The following PRUNE2 variants were observed in gnomAD, a reference collection of about 807,000 sequenced individuals.
PRUNE2 encodes the protein protein prune homolog 2.
A neutral mutation model predicts 252.0 loss-of-function variants in PRUNE2; 164 were observed. The observed-to-expected ratio is 0.65, with a 90% CI of 0.57 to 0.74. The LOEUF is 0.74. PRUNE2 is among the 30% of genes least tolerant of loss of function. The pLI is 0.00. For missense variants in PRUNE2, 3,495 were observed against 3,711.0 expected, an observed-to-expected ratio of 0.94 and a Z score of 1.51; for synonymous variants, 1,292 against 1,350.2, an observed-to-expected ratio of 0.96 and a Z score of 0.94.
At chr9:76,673,660 A>G (rs1435162210) in intron 9 of PRUNE2, among the ~76,000 whole-genome samples, 1 of 150,378 alleles carries the variant, frequency 6.6e-6, no homozygotes, top group Admixed American at 6.7e-5. Flanking sequence ...CCTCAATAAA[A>G]TACTGGCAAA....
At chr9:76,830,393 C>G (rs1335692292) in intron 4 of PRUNE2, among the ~76,000 whole-genome samples, 1 of 152,110 alleles carries the variant, frequency 6.6e-6, no homozygotes, top group African/African-American at 2.4e-5. Context: ...TGGCTCACAC[C>G]TGTAATCCCA....
chr9:76,640,547 C>T (rs1023734052), intron 12 of PRUNE2, among the ~76,000 whole-genome samples: 10 of 145,830 alleles, frequency 6.9e-5, no homozygotes, highest in Non-Finnish European at 1.2e-4. Context: ...GAGAGAGCAA[C>T]GTAGTAGCTT....
intron 6 of PRUNE2, among the ~76,000 whole-genome samples, chr9:76,774,855 G>C (rs1270393969): frequency 6.6e-6 from 1 of 152,158 alleles, no homozygotes; most frequent in Non-Finnish European, 1.5e-5. Flanking sequence ...AAAGATTGTA[G>C]ATTTTAGAGA....
intron 6 of PRUNE2, among the ~76,000 whole-genome samples, chr9:76,747,969 A>AT (rs912461901): frequency 2.6e-5 from 4 of 151,506 alleles, no homozygotes; most frequent in East Asian, 1.9e-4. Context: ...TAATTTTTGT[A>AT]TTTTTTTTAG....
At chr9:76,724,220 AG>A (rs1332010718) in intron 6 of PRUNE2, among the ~76,000 whole-genome samples, 1 of 144,312 alleles carries the variant, frequency 6.9e-6, no homozygotes, top group Non-Finnish European at 1.5e-5. Flanking sequence ...GCACTTTGGG[AG>A]GCTGAGGCGG....
At chr9:76,692,288 C>A in intron 9 of PRUNE2, 1 of 624,202 alleles carries the variant, frequency 1.6e-6, no homozygotes, top group Non-Finnish European at 2.9e-6. Context: ...TGGGGCTGTG[C>A]TGAGTTTCAT....
chr9:76,689,129 G>A (rs1349971154), intron 9 of PRUNE2, among the ~76,000 whole-genome samples: 1 of 152,116 alleles, frequency 6.6e-6, no homozygotes, highest in East Asian at 1.9e-4. Context: ...CCCCACACTA[G>A]AGTGAGGAGA....
At chr9:76,803,833 G>C (rs2056738680) in intron 6 of PRUNE2, among the ~76,000 whole-genome samples, 1 of 152,208 alleles carries the variant, frequency 6.6e-6, no homozygotes, top group African/African-American at 2.4e-5. Context: ...ATATTAGACT[G>C]TCTGTTCTTC....
At chr9:76,652,439 C>A (rs1847767323) in intron 11 of PRUNE2, 44 bp downstream of exon 11, 1 of 1,334,672 alleles carries the variant, frequency 7.5e-7, no homozygotes, top group Non-Finnish European at 1.1e-6. Flanking sequence ...AAATCTTTTA[C>A]TTATTTAGCA....
At chr9:76,633,248 A>G (rs1838520560) in intron 15 of PRUNE2, among the ~76,000 whole-genome samples, 1 of 151,950 alleles carries the variant, frequency 6.6e-6, no homozygotes, top group African/African-American at 2.4e-5. Context: ...TTTACAATGT[A>G]AAAATCATAG....
chr9:76,706,661 TG>T lies in PRUNE2; in HGVS notation c.5612del (p.Pro1871GlnfsTer56). 6.2e-7 allele frequency: 1 copy of T among 1,613,870 alleles called. No individual in the cohort carries two copies. Among genetic ancestry groups the T allele is most frequent in the Non-Finnish European group, 8.5e-7 (1 of 1,179,844 alleles). ...CCACGGGCTCAATATCACCCTGAAC[TG>T]GTACTCCCCAGGGACTGGCATTTTG... ...VHQNASPWGVPVQGDIEPVET... is the reference protein window; with the variant it reads ...VHQNASPWGVXVQGDIEPVET... On this transcript the variant is annotated frameshift_variant, in exon 8 of 19. Coordinates refer to ENST00000376718, the MANE Select transcript of PRUNE2 (RefSeq NM_015225.3). LOFTEE classifies it high-confidence loss of function.
chr9:76,870,014 T>C (rs1383825680), intron 1 of PRUNE2, among the ~76,000 whole-genome samples: 1 of 152,214 alleles, frequency 6.6e-6, no homozygotes, highest in African/African-American at 2.4e-5. Flanking sequence ...ATCTTGATGT[T>C]CTAAATAAGT....
chr9:76,655,403 T>C lies in PRUNE2; in HGVS notation c.8356+20A>G, dbSNP rs1156281054. On this transcript the variant is annotated intron_variant, in intron 10 of 18. Coordinates refer to ENST00000376718, the MANE Select transcript of PRUNE2 (RefSeq NM_015225.3). The stretch of plus-strand genomic sequence containing the variant: ...GGATACAGAATACCAACGAAGGAAA[T>C]GAACAAATGCTGCTCTCACCAGGCC... The C allele has an allele frequency of 1.9e-6, 3 of 1,582,796 alleles. No homozygotes were observed. The highest frequency in any genetic ancestry group is 1.7e-6 in the Non-Finnish European group (2 of 1,154,730).
intron 4 of PRUNE2, among the ~76,000 whole-genome samples, chr9:76,837,943 T>C (rs1589497432): frequency 6.6e-6 from 1 of 151,866 alleles, no homozygotes; most frequent in South Asian, 2.1e-4. Flanking sequence ...AGCTAATTTT[T>C]TGTATTTTTA....
chr9:76,870,214 G>T (rs1441936686), intron 1 of PRUNE2, among the ~76,000 whole-genome samples: 1 of 150,718 alleles, frequency 6.6e-6, no homozygotes, highest in African/African-American at 2.4e-5. Context: ...ATAATAAATA[G>T]CTGTAAAATA....
At chr9:76,869,600 G>C (rs1294533142) in intron 1 of PRUNE2, among the ~76,000 whole-genome samples, 1 of 152,160 alleles carries the variant, frequency 6.6e-6, no homozygotes, top group Non-Finnish European at 1.5e-5. Context: ...GCAATAGAAA[G>C]TAAATGCAGA....
chr9:76,811,638 G>C (rs1047768437), intron 6 of PRUNE2, among the ~76,000 whole-genome samples: 1 of 152,120 alleles, frequency 6.6e-6, no homozygotes, highest in Non-Finnish European at 1.5e-5. Context: ...TCAATTTCTA[G>C]ACTTTCTGAA....
intron 9 of PRUNE2, among the ~76,000 whole-genome samples, chr9:76,667,782 C>G (rs2040480950): frequency 6.6e-6 from 1 of 152,204 alleles, no homozygotes; most frequent in African/African-American, 2.4e-5. Context: ...TCTGGAAGGG[C>G]TAGATACTGA....
At chr9:76,780,879 G>T (rs564121708) in intron 6 of PRUNE2, among the ~76,000 whole-genome samples, 5 of 152,224 alleles carry the variant, frequency 3.3e-5, no homozygotes, top group Admixed American at 3.3e-4. Context: ...CGCAGGCTAC[G>T]CTGCAACCTA....
Sources: gnomAD v4.1 joint callset for allele counts (sites outside exome capture counted in the v4.1 genomes callset) on GRCh38, gnomAD v4.1.1 for gene constraint, MANE v1.5 for transcripts, NCBI Gene and HGNC (gene_info 2026-07-23, HGNC 2026-07-21) for gene names.